RNF180: variants seen among roughly 807,000 people sequenced by gnomAD.
RNF180 encodes E3 ubiquitin-protein ligase RNF180.
A neutral mutation model predicts 59.2 loss-of-function variants in RNF180; 38 were observed. That is an observed-to-expected ratio of 0.64 (90% CI 0.50 to 0.84). The LOEUF is 0.84. Among genes scored for constraint, RNF180 ranks in the 40% least tolerant of loss-of-function variants. The probability of loss-of-function intolerance (pLI) is 0.00; values close to 1 mark genes in which losing one functional copy is unlikely to be tolerated. For synonymous variants in RNF180, 262 were observed against 240.3 expected, an observed-to-expected ratio of 1.09 and a Z score of -0.84; for missense variants, 705 against 700.9, an observed-to-expected ratio of 1.01 and a Z score of -0.07.
At chr5:64,265,454 G>C (rs1478951137) in intron 5 of RNF180, among the ~76,000 whole-genome samples, 1 of 152,132 alleles carries the variant, frequency 6.6e-6, no homozygotes, top group African/African-American at 2.4e-5. Flanking sequence ...TGGCTAGCCA[G>C]TTTTCCCAAC....
intron 5 of RNF180, among the ~76,000 whole-genome samples, chr5:64,275,903 C>T (rs1480829227): frequency 6.6e-6 from 1 of 152,088 alleles, no homozygotes; most frequent in East Asian, 1.9e-4. Flanking sequence ...ACCTTGCTTT[C>T]TCTTTAGAGT....
chr5:64,326,230 A>T (rs1208156191), intron 6 of RNF180, among the ~76,000 whole-genome samples: 1 of 152,150 alleles, frequency 6.6e-6, no homozygotes, highest in Non-Finnish European at 1.5e-5. Context: ...GAAAGGGTTT[A>T]AAATGATTGC....
chr5:64,184,802 C>T (rs934665000), intron 1 of RNF180, among the ~76,000 whole-genome samples: 4 of 152,142 alleles, frequency 2.6e-5, no homozygotes, highest in Non-Finnish European at 5.9e-5. Context: ...AGGTCACATG[C>T]TAGTCTTCAA....
At chr5:64,368,333 T>C (rs150213841) in intron 7 of RNF180, among the ~76,000 whole-genome samples, 158 of 151,884 alleles carry the variant, frequency 1.0e-3, no homozygotes, top group African/African-American at 3.7e-3. Flanking sequence ...ATAAAAGCAG[T>C]TGTAAAAATA....
At chr5:64,240,159 A>G (rs565070149) in intron 5 of RNF180, among the ~76,000 whole-genome samples, 2 of 152,314 alleles carry the variant, frequency 1.3e-5, no homozygotes, top group South Asian at 2.1e-4. Flanking sequence ...AGACTATAAT[A>G]TATAACAGCA....
chr5:64,197,782 A>G (rs1175402621), intron 1 of RNF180, among the ~76,000 whole-genome samples: 1 of 152,122 alleles, frequency 6.6e-6, no homozygotes, highest in African/African-American at 2.4e-5. Flanking sequence ...TTTTACTTGA[A>G]TGATTGGCAA....
At position 64,369,856 on chromosome 5, in the gene RNF180, T is replaced by A; in HGVS notation, c.*42T>A. The A allele has an allele frequency of 1.9e-6, 2 of 1,071,238 alleles. No homozygotes were observed. Among genetic ancestry groups the A allele is most frequent in the Non-Finnish European group, 2.5e-6 (2 of 795,952 alleles). The allele number at this position is 1,071,238 out of a possible 1,614,324, so 66.4% of individuals were successfully genotyped here. Reference sequence around the variant, plus strand: ...TACAATTGACCAATCATAAATGATGTAAATAACAATTGCTTAAACATTTTT... The same window carrying A: ...TACAATTGACCAATCATAAATGATGAAAATAACAATTGCTTAAACATTTTT... On this transcript the variant is annotated 3_prime_UTR_variant, in exon 8 of 8. Transcript: ENST00000389100.
intron 1 of RNF180, among the ~76,000 whole-genome samples, chr5:64,187,501 C>T (rs1750930597): frequency 6.6e-6 from 1 of 152,200 alleles, no homozygotes; most frequent in South Asian, 2.1e-4. Flanking sequence ...AAGTATGTAA[C>T]ACCAACAATT....
At chr5:64,271,298 C>T (rs1741384629) in intron 5 of RNF180, among the ~76,000 whole-genome samples, 1 of 152,034 alleles carries the variant, frequency 6.6e-6, no homozygotes, top group South Asian at 2.1e-4. Context: ...GAACATTTGA[C>T]AGGTATATGT....
At chr5:64,318,911 A>C (rs1744199436) in intron 5 of RNF180, among the ~76,000 whole-genome samples, 1 of 152,158 alleles carries the variant, frequency 6.6e-6, no homozygotes, top group South Asian at 2.1e-4. Flanking sequence ...AAGATCAAAA[A>C]TCAATTAGGA....
intron 7 of RNF180, among the ~76,000 whole-genome samples, chr5:64,365,550 C>T (rs1321439564): frequency 6.6e-6 from 1 of 151,474 alleles, no homozygotes; most frequent in African/African-American, 2.4e-5. Flanking sequence ...GTTAATTTCC[C>T]TCCTCAGTGA....
intron 1 of RNF180, among the ~76,000 whole-genome samples, chr5:64,186,929 TAAGA>T (rs1250009588): frequency 6.6e-6 from 1 of 152,162 alleles, no homozygotes; most frequent in Non-Finnish European, 1.5e-5. Context: ...ATTTTTCCCA[TAAGA>T]AAGTAGTGTG....
intron 5 of RNF180, among the ~76,000 whole-genome samples, chr5:64,280,045 G>C (rs895597637): frequency 1.3e-4 from 20 of 152,190 alleles, no homozygotes; most frequent in Non-Finnish European, 2.9e-4. Flanking sequence ...TGGTATGTCA[G>C]TGTGGTTTTT....
chr5:64,245,569 A>C (rs1490397421), intron 5 of RNF180, among the ~76,000 whole-genome samples: 2 of 152,256 alleles, frequency 1.3e-5, no homozygotes, highest in Non-Finnish European at 2.9e-5. Context: ...AGAGCTAACT[A>C]TCCTAAATAT....
intron 7 of RNF180, among the ~76,000 whole-genome samples, chr5:64,338,686 T>C (rs569352204): frequency 6.6e-6 from 1 of 152,234 alleles, no homozygotes; most frequent in South Asian, 2.1e-4. Context: ...GGTATAATTG[T>C]TGCTCTGTAT....
At chr5:64,332,756 T>C (rs930819153) in intron 7 of RNF180, among the ~76,000 whole-genome samples, 4 of 152,176 alleles carry the variant, frequency 2.6e-5, no homozygotes, top group African/African-American at 4.8e-5. Flanking sequence ...TACTGTGCAG[T>C]TTTCGTTATT....
intron 7 of RNF180, among the ~76,000 whole-genome samples, chr5:64,357,481 C>G (rs1046218196): frequency 1.3e-5 from 2 of 151,776 alleles, no homozygotes; most frequent in Admixed American, 1.3e-4. Flanking sequence ...TCTAAAGAAC[C>G]TGCAAAATGT....
intron 5 of RNF180, among the ~76,000 whole-genome samples, chr5:64,227,827 A>T (rs959043961): frequency 2.6e-5 from 4 of 151,754 alleles, no homozygotes; most frequent in African/African-American, 4.9e-5. Flanking sequence ...AATAAATAAA[A>T]AATAAATCTG....
At chr5:64,298,312 G>T (rs1020495875) in intron 5 of RNF180, among the ~76,000 whole-genome samples, 1 of 151,920 alleles carries the variant, frequency 6.6e-6, no homozygotes, top group Non-Finnish European at 1.5e-5. Flanking sequence ...CAGTAAACAT[G>T]CCCATGCCTA....
Sources: gnomAD v4.1 joint callset for allele counts (sites outside exome capture counted in the v4.1 genomes callset) on GRCh38, gnomAD v4.1.1 for gene constraint, MANE v1.5 for transcripts, NCBI Gene and HGNC (gene_info 2026-07-23, HGNC 2026-07-21) for gene names.